RALGPS1: variants seen among roughly 807,000 people sequenced by gnomAD.
RALGPS1 encodes the protein ras-specific guanine nucleotide-releasing factor RalGPS1.
A neutral mutation model predicts 78.8 loss-of-function variants in RALGPS1; 19 were observed. The observed-to-expected ratio is 0.24, with a 90% CI of 0.17 to 0.35. The LOEUF (loss-of-function observed/expected upper bound fraction) is 0.35. Among genes scored for constraint, RALGPS1 ranks in the 10% least tolerant of loss-of-function variants. The pLI, the probability that RALGPS1 is intolerant of heterozygous loss-of-function variation, is 1.00. For missense variants in RALGPS1, 454 were observed against 688.3 expected (o/e 0.66, Z 3.81); for synonymous variants, 228 against 256.3 (o/e 0.89, Z 1.06).
In RALGPS1 at chr9:127,002,454, T is replaced by TA. The variant is rs1159258058; in HGVS notation, c.216+24709_216+24710insA. On this transcript the variant is annotated intron_variant, in intron 4 of 18. Coordinates refer to ENST00000259351, the MANE Select transcript of RALGPS1 (RefSeq NM_014636.3). ...CATTCTTTTTTTTTTTTTTCTTTTT[T>TA]TTTTATTATACTTTAAGTTTTAGGG... Among the ~76,000 whole-genome samples, 68 of 150,864 alleles carry TA rather than the reference T, an allele frequency of 4.5e-4. 1 individual carries two copies. Among genetic ancestry groups the TA allele is most frequent in the Admixed American group, 9.9e-4 (15 of 15,204 alleles).
Position 127,166,149 on chromosome 9 carries a change from A to G in RALGPS1, c.691A>G (p.Asn231Asp), listed in dbSNP as rs757556656. ...GSIMENEQRS[N>D]QMNNILRIIA... ...TATCATGGAAAATGAACAAAGATCC[A>G]ATCAGATGAACAATATTCTTCGAAT... The change falls in exon 9 of 19, where the codon AAT (asparagine) becomes GAT (aspartate). Residue 231 changes from asparagine to aspartate, a missense_variant. Transcript: ENST00000259351. The G allele has an allele frequency of 6.2e-7, 1 of 1,613,920 alleles. No homozygotes were observed. Among genetic ancestry groups the G allele is most frequent in the Admixed American group, 1.7e-5 (1 of 59,984 alleles).
intron 1 of RALGPS1, among the ~76,000 whole-genome samples, chr9:126,937,828 G>A (rs2036403962): frequency 6.6e-6 from 1 of 152,296 alleles, no homozygotes; most frequent in East Asian, 1.9e-4. Flanking sequence ...GCTAAAGATG[G>A]GAGCTAAAGA....
At chr9:126,944,003 C>T (rs1295519495) in intron 1 of RALGPS1, among the ~76,000 whole-genome samples, 1 of 152,214 alleles carries the variant, frequency 6.6e-6, no homozygotes, top group Admixed American at 6.5e-5. Flanking sequence ...AAGCCTGGCA[C>T]CCTAACACAG....
intron 11 of RALGPS1, among the ~76,000 whole-genome samples, chr9:127,176,845 T>C (rs956049779): frequency 1.3e-5 from 2 of 152,078 alleles, no homozygotes; most frequent in Non-Finnish European, 2.9e-5. Flanking sequence ...AACTCTGCCT[T>C]TCCCTAGTGG....
chr9:127,210,600 A>G (rs960331162), intron 14 of RALGPS1: 1 of 918,272 alleles, frequency 1.1e-6, no homozygotes, highest in African/African-American at 1.6e-5. Context: ...GGACTTCCTG[A>G]GCTAATTGAC....
intron 5 of RALGPS1, among the ~76,000 whole-genome samples, chr9:127,044,696 C>T (rs576326752): frequency 2.8e-3 from 425 of 152,148 alleles, no homozygotes; most frequent in Admixed American, 4.6e-3. Flanking sequence ...GAGCATAGTA[C>T]CCAATAATAG....
At chr9:127,108,115 C>T (rs768486398) in intron 8 of RALGPS1, 2 of 1,613,554 alleles carry the variant, frequency 1.2e-6, no homozygotes, top group East Asian at 2.2e-5. Flanking sequence ...CGAGGGCACC[C>T]TCTGGCAGTG....
At chr9:126,915,423 TGCAGCGGTGGGGGGCGGGGCCCGGGTG>T (rs2034035159) in intron 1 of RALGPS1, 1 of 82,334 alleles carries the variant, frequency 1.2e-5, no homozygotes, top group South Asian at 4.9e-4. Context: ...CCCGGGGACC[TGCAGCGGTGGGGGGCGGGGCCCGGGTG>T]GCTGCGGTAC....
intron 8 of RALGPS1, among the ~76,000 whole-genome samples, chr9:127,076,692 C>A (rs1013686927): frequency 6.6e-6 from 1 of 152,192 alleles, no homozygotes; most frequent in African/African-American, 2.4e-5. Context: ...CCCAAAGCCT[C>A]CCAGTCAGAC....
intron 7 of RALGPS1, among the ~76,000 whole-genome samples, chr9:127,055,491 T>C (rs1465210035): frequency 6.6e-6 from 1 of 152,254 alleles, no homozygotes; most frequent in Non-Finnish European, 1.5e-5. Flanking sequence ...CTGTTAGGAT[T>C]ACAGGTGTCA....
intron 7 of RALGPS1, among the ~76,000 whole-genome samples, chr9:127,062,764 T>C (rs1218280650): frequency 6.6e-6 from 1 of 152,356 alleles, no homozygotes; most frequent in East Asian, 1.9e-4. Flanking sequence ...AGCACACCAC[T>C]AAATTTCAGT....
intron 4 of RALGPS1, among the ~76,000 whole-genome samples, chr9:127,023,670 T>G (rs1449013717): frequency 1.3e-5 from 2 of 152,082 alleles, no homozygotes; most frequent in Admixed American, 6.6e-5. Context: ...CCTTAACAGC[T>G]CTCCTGTAGG....
chr9:127,107,867 G>A (rs780400275), intron 8 of RALGPS1: 15 of 1,499,388 alleles, frequency 1.0e-5, no homozygotes, highest in African/African-American at 2.8e-5. Flanking sequence ...GGGAAGCCTG[G>A]TGCCTGGCTC....
intron 4 of RALGPS1, among the ~76,000 whole-genome samples, chr9:127,033,517 C>T (rs949968570): frequency 1.3e-5 from 2 of 152,070 alleles, no homozygotes; most frequent in African/African-American, 4.8e-5. Flanking sequence ...AGGTCAATGG[C>T]AAAAAACCAA....
At chr9:127,154,710 A>G (rs967834798) in intron 8 of RALGPS1, among the ~76,000 whole-genome samples, 3 of 152,190 alleles carry the variant, frequency 2.0e-5, no homozygotes, top group Admixed American at 6.5e-5. Context: ...ATCTGCCTCC[A>G]TTATTATTTT....
At chr9:127,171,038 C>T (rs1399088088) in intron 10 of RALGPS1, among the ~76,000 whole-genome samples, 2 of 152,072 alleles carry the variant, frequency 1.3e-5, no homozygotes, top group East Asian at 3.8e-4. Flanking sequence ...TAGTTATTAC[C>T]TTAGTGGCAT....
At chr9:127,067,221 T>A (rs992094815) in intron 7 of RALGPS1, among the ~76,000 whole-genome samples, 32 of 152,342 alleles carry the variant, frequency 2.1e-4, no homozygotes, top group East Asian at 7.7e-4. Context: ...GCAGACCAGT[T>A]AAGCAGCCAT....
intron 4 of RALGPS1, among the ~76,000 whole-genome samples, chr9:126,997,415 C>T (rs1246415795): frequency 2.6e-5 from 4 of 152,200 alleles, no homozygotes; most frequent in African/African-American, 9.7e-5. Context: ...AACTCCCATT[C>T]ACAATTGCTT....
At chr9:126,964,642 G>A (rs2039277983) in intron 2 of RALGPS1, among the ~76,000 whole-genome samples, 1 of 151,744 alleles carries the variant, frequency 6.6e-6, no homozygotes, top group African/African-American at 2.4e-5. Context: ...AACCACTATG[G>A]TATACTGCTT....
Sources: allele counts gnomAD v4.1 joint callset (sites outside exome capture counted in the v4.1 genomes callset), GRCh38; gene constraint gnomAD v4.1.1; transcripts MANE v1.5; gene names NCBI Gene and HGNC (gene_info 2026-07-23, HGNC 2026-07-21).